CELF2: variants seen among roughly 807,000 people sequenced by gnomAD.
CELF2 encodes the protein CUG triplet repeat RNA-binding protein 2.
A neutral mutation model predicts 62.6 loss-of-function variants in CELF2; 8 were observed. That is an observed-to-expected ratio of 0.13 (90% confidence interval 0.07 to 0.23). The LOEUF is 0.23. Among genes scored for constraint, CELF2 ranks in the 10% least tolerant of loss-of-function variants. CELF2 has a pLI of 1.00. For synonymous variants in CELF2, 258 were observed against 250.0 expected (o/e 1.03, Z -0.30); for missense variants, 333 against 671.0 (o/e 0.50, Z 5.56).
chr10:10,595,194 T>C, the CELF2 span, among the ~76,000 whole-genome samples: 4 of 152,208 alleles, frequency 2.6e-5, no homozygotes, highest in African/African-American at 2.4e-5. Context: ...CATAAAATTA[T>C]TTGTACAATT....
At chr10:10,634,110 TTTAA>T in the CELF2 span, among the ~76,000 whole-genome samples, 1 of 152,178 alleles carries the variant, frequency 6.6e-6, no homozygotes, top group African/African-American at 2.4e-5. Flanking sequence ...GTCTTGATAC[TTTAA>T]TTGAGTTACA....
the CELF2 span, among the ~76,000 whole-genome samples, chr10:10,503,634 T>C: frequency 2.0e-5 from 3 of 152,018 alleles, no homozygotes; most frequent in Non-Finnish European, 4.4e-5. Context: ...TTATGGATAG[T>C]ATATCATTGG....
chr10:11,240,650 T>C (rs1269744532), intron 3 of CELF2, among the ~76,000 whole-genome samples: 1 of 152,210 alleles, frequency 6.6e-6, no homozygotes, highest in African/African-American at 2.4e-5. Flanking sequence ...TTTCCTGCCC[T>C]TTTCATAAAA....
At chr10:10,579,580 T>G in the CELF2 span, among the ~76,000 whole-genome samples, 1 of 152,148 alleles carries the variant, frequency 6.6e-6, no homozygotes, top group Non-Finnish European at 1.5e-5. Context: ...TACATATTTG[T>G]GGCCTAAAAT....
chr10:11,062,163 A>T (rs199993970), intron 1 of CELF2, among the ~76,000 whole-genome samples: 2 of 151,936 alleles, frequency 1.3e-5, no homozygotes, highest in Non-Finnish European at 2.9e-5. Context: ...GGAAAAAAAA[A>T]TTCCTTTCCA....
At chr10:10,635,955 C>T in the CELF2 span, among the ~76,000 whole-genome samples, 1 of 152,286 alleles carries the variant, frequency 6.6e-6, no homozygotes, top group Middle Eastern at 3.4e-3. Flanking sequence ...AAAAGTCTTT[C>T]CTTCTTTCCC....
rs573967525 is a variant in CELF2 at position 11,028,234 on chromosome 10, G to C, written c.74+10071G>C. Among the ~76,000 whole-genome samples the C allele has an allele frequency of 9.9e-5, 15 of 151,744 alleles. No individual in the cohort carries two copies. In the South Asian group the frequency reaches 2.7e-3, roughly 27 times the overall value. ...TGGTCAGACCTTTCCATTCTGGGAT[G>C]GGGGGGAAGCAAAGGCAGTATCTCC... On this transcript the variant is annotated intron_variant, in intron 1 of 12. Coordinates refer to ENST00000633077, the MANE Select transcript of CELF2 (RefSeq NM_001326342.2).
rs769708378 is a variant in CELF2 at position 11,314,334 on chromosome 10, G to T, written c.1096+76G>T. On this transcript the variant is annotated intron_variant, in intron 10 of 12. Coordinates refer to ENST00000633077, the MANE Select transcript of CELF2 (RefSeq NM_001326342.2). The surrounding 1 kb of genome is among the most constrained non-coding windows in gnomAD (Gnocchi z 5.3). ...ATTCTCCACAGAAAGTGGTCAGCCA[G>T]AAATGACCCGAAAAAGGATATGCCA... 6.3e-7 allele frequency: 1 copy of T among 1,597,292 alleles called. No homozygotes were observed. Among genetic ancestry groups the T allele is most frequent in the South Asian group, 1.1e-5 (1 of 90,468 alleles).
chr10:11,298,894 T>A (rs2093445810), intron 9 of CELF2, among the ~76,000 whole-genome samples: 1 of 152,060 alleles, frequency 6.6e-6, no homozygotes, highest in African/African-American at 2.4e-5. Flanking sequence ...GGTCCGATGA[T>A]GTTTAACTGG....
At position 11,011,289 on chromosome 10, in the gene CELF2, C is replaced by T. The variant is rs1225354788; in HGVS notation, c.53+5849C>T. On this transcript the variant is annotated intron_variant, in intron 1 of 12. Coordinates refer to the CELF2 transcript ENST00000416382. The surrounding 1 kb of genome is among the most constrained non-coding windows in gnomAD (Gnocchi z 4.6). ...GCTCAATGAAAGACATAGTCTGGGG[C>T]CTCAAGCAACTCACAGCACTCATGG... Among the ~76,000 whole-genome samples, 1 of 151,502 alleles carries T rather than the reference C, an allele frequency of 6.6e-6. No individual in the cohort carries two copies. Among genetic ancestry groups the T allele is most frequent in the African/African-American group, 2.4e-5 (1 of 41,170 alleles).
At chr10:10,948,665 G>C (rs1414967022) in intron 2 of CELF2, among the ~76,000 whole-genome samples, 3 of 152,110 alleles carry the variant, frequency 2.0e-5, no homozygotes, top group African/African-American at 7.2e-5. Flanking sequence ...TTTGCATGAA[G>C]CTCCATGGTT....
chr10:10,834,342 G>GA (rs1275465558), intron 1 of CELF2, among the ~76,000 whole-genome samples: 1 of 152,092 alleles, frequency 6.6e-6, no homozygotes, highest in Non-Finnish European at 1.5e-5. Context: ...AGAGGCTCAG[G>GA]AAAAATAACT....
intron 2 of CELF2, among the ~76,000 whole-genome samples, chr10:10,955,696 G>T (rs1450824713): frequency 6.6e-6 from 1 of 152,120 alleles, no homozygotes; most frequent in African/African-American, 2.4e-5. Context: ...CAGATAGTCT[G>T]CCCCCAGAAC....
In CELF2 at chr10:11,162,474, T is replaced by C. The variant is rs532000769; in HGVS notation, c.75-3012T>C. On this transcript the variant is annotated intron_variant, in intron 1 of 12. Transcript: ENST00000633077. ...GTTACTTCCAAAAGGGCAGGTAGTT[T>C]GGCAAGGATGTAGATAGAAATGAGA... Among the ~76,000 whole-genome samples, 8 of 152,232 alleles carry C rather than the reference T, an allele frequency of 5.3e-5. No individual in the cohort carries two copies. The East Asian group carries it at 1.5e-3, about 29-fold the overall frequency.
intron 1 of CELF2, among the ~76,000 whole-genome samples, chr10:10,852,761 T>C (rs2059462926): frequency 6.6e-6 from 1 of 152,252 alleles, no homozygotes. Context: ...TTTAATTGAA[T>C]GTGAATCTAC....
chr10:10,865,824 G>A (rs1198588359), intron 1 of CELF2, among the ~76,000 whole-genome samples: 1 of 151,636 alleles, frequency 6.6e-6, no homozygotes, highest in Non-Finnish European at 1.5e-5. Flanking sequence ...GAAAAAAAAA[G>A]ATTTTTTTTT....
At chr10:10,725,117 A>G in the CELF2 span, among the ~76,000 whole-genome samples, 1 of 152,192 alleles carries the variant, frequency 6.6e-6, no homozygotes, top group Non-Finnish European at 1.5e-5. Context: ...TCCAATTCTT[A>G]GCTCCATTAT....
chr10:11,321,311 G>A lies in CELF2; in HGVS notation c.1219G>A (p.Ala407Thr), dbSNP rs751759073. ...GGCCTACTCAGGAATTCAACAGTACGCAGCCGCCGCGCTGCCCACTCTGTA... is the reference window on the plus strand; with the variant it reads ...GGCCTACTCAGGAATTCAACAGTACACAGCCGCCGCGCTGCCCACTCTGTA... ...TQAYSGIQQYAAAALPTLYSQ... is the reference protein window; with the variant it reads ...TQAYSGIQQYTAAALPTLYSQ... Residue 407 changes from alanine (A) to threonine (T), a missense_variant, in exon 11 of 13, where the codon GCA becomes ACA. By Grantham distance (58) the Ala-to-Thr change is moderately conservative. This residue lies in a region of CELF2 where 253 missense variants were observed against 503.0 expected (regional missense o/e 0.50). Transcript: ENST00000633077. The surrounding 1 kb of genome is among the most constrained non-coding windows in gnomAD (Gnocchi z 6.2). 20 of 1,613,208 alleles carry A rather than the reference G, an allele frequency of 1.2e-5. 1 individual carries two copies. Among genetic ancestry groups the A allele is most frequent in the South Asian group, 2.2e-5 (2 of 91,082 alleles).
rs887630452 is a variant in CELF2, at chr10:11,290,389, G to C, written c.976+1837G>C. ...GCCAGTGGGTGGGGGAGAGCGGAGT[G>C]GGGGCTCTGTGGTGGACCGCGTCCG... On this transcript the variant is annotated intron_variant, in intron 9 of 12. Coordinates refer to ENST00000633077, the MANE Select transcript of CELF2 (RefSeq NM_001326342.2). The surrounding 1 kb of genome is among the most constrained non-coding windows in gnomAD (Gnocchi z 4.3). 1.3e-5 allele frequency among the ~76,000 whole-genome samples: 2 copies of C among 152,148 alleles called. No individual in the cohort carries two copies. The highest frequency in any genetic ancestry group is 2.9e-5 in the Non-Finnish European group (2 of 68,024).
Sources: allele counts gnomAD v4.1 joint callset (sites outside exome capture counted in the v4.1 genomes callset), GRCh38; gene constraint gnomAD v4.1.1; regional missense constraint gnomAD v4.1.1; non-coding constraint Gnocchi (gnomAD v3.1); transcripts MANE v1.5; gene names NCBI Gene and HGNC (gene_info 2026-07-23, HGNC 2026-07-21).